Variants in SAR1B observed in about 807,000 individuals in gnomAD.
SAR1B encodes small COPII coat GTPase SAR1B.
In SAR1B, 23 loss-of-function variants were observed where a neutral mutation model predicts 26.8. The ratio of observed to expected loss-of-function variants is 0.86; its 90% confidence interval spans 0.62 to 1.22. SAR1B has a LOEUF of 1.22. Among genes scored for constraint, SAR1B ranks in the 50% most tolerant of loss-of-function variants. The pLI, the probability that SAR1B is intolerant of heterozygous loss-of-function variation, is 0.00. For synonymous variants in SAR1B, 65 were observed against 80.8 expected, an observed-to-expected ratio of 0.80 and a Z score of 1.05; for missense variants, 196 against 232.8, an observed-to-expected ratio of 0.84 and a Z score of 1.03.
Position 134,604,655 on chromosome 5 carries a change from T to C in SAR1B, c.*2295A>G, listed in dbSNP as rs1765100546. 1 of 152,208 alleles carries C rather than the reference T, an allele frequency of 6.6e-6. No individual in the cohort carries two copies. The highest frequency in any genetic ancestry group is 2.4e-5 in the African/African-American group (1 of 41,444). 9.4% of individuals were successfully genotyped at this position (152,208 alleles called of 1,614,324 possible). A position where few individuals can be genotyped will look rare whatever the true frequency, so the allele number is the denominator to read the frequency against. Reference sequence around the variant, plus strand: ...CACAGTTTAGCTGTGGTCCACAAAGTGACTTTGTTTCTTTGATCCTAGTGT... The same window carrying C: ...CACAGTTTAGCTGTGGTCCACAAAGCGACTTTGTTTCTTTGATCCTAGTGT... On this transcript the variant is annotated 3_prime_UTR_variant, in exon 7 of 7. Transcript: ENST00000402673.
intron 4 of SAR1B, among the ~76,000 whole-genome samples, chr5:134,612,012 T>G (rs1765223226): frequency 6.6e-6 from 1 of 152,072 alleles, no homozygotes; most frequent in South Asian, 2.1e-4. Flanking sequence ...ATAAGATAAT[T>G]TTTAAAAGCC....
intron 3 of SAR1B, among the ~76,000 whole-genome samples, chr5:134,616,001 G>A (rs1765307735): frequency 6.6e-6 from 1 of 151,774 alleles, no homozygotes; most frequent in Non-Finnish European, 1.5e-5. Flanking sequence ...TTAGCCAGGC[G>A]TGGTGGCAGA....
chr5:134,628,329 A>AC (rs1765536423), intron 1 of SAR1B, among the ~76,000 whole-genome samples: 2 of 111,496 alleles, frequency 1.8e-5, no homozygotes, highest in Admixed American at 1.7e-4. Context: ...GGGGTCCTGT[A>AC]AAAAAAAAAA....
rs1254993587 is a variant in SAR1B, at chr5:134,605,004, G to T, written c.*1946C>A. The T allele has an allele frequency of 6.6e-6, 1 of 152,216 alleles. No homozygotes were observed. Among genetic ancestry groups the T allele is most frequent in the African/African-American group, 2.4e-5 (1 of 41,462 alleles). The allele number at this position is 152,216 out of a possible 1,614,324, so 9.4% of individuals were successfully genotyped here. A position where few individuals can be genotyped will look rare whatever the true frequency, so the allele number is the denominator to read the frequency against. On this transcript the variant is annotated 3_prime_UTR_variant, in exon 7 of 7. Transcript: ENST00000402673. The stretch of plus-strand genomic sequence containing the variant: ...CTACTTTTCCCATAGTGTTACTGAG[G>T]TTTCCAGGAAGGGAGGGAGCACTTT...
chr5:134,610,905 G>A (rs1431758313), intron 4 of SAR1B, among the ~76,000 whole-genome samples: 12 of 145,012 alleles, frequency 8.3e-5, no homozygotes, highest in African/African-American at 2.8e-4. Context: ...TTTTTAAAGA[G>A]ACAGGGTCTT....
intron 1 of SAR1B, among the ~76,000 whole-genome samples, chr5:134,627,801 A>AAAATAAATAAATAAAT (rs199626448): frequency 3.6e-4 from 49 of 134,522 alleles, no homozygotes; most frequent in East Asian, 2.1e-3. Context: ...TCCATCCCAA[A>AAAATAAATAAATAAAT]AAATAAATAA....
intron 1 of SAR1B, among the ~76,000 whole-genome samples, chr5:134,625,350 T>G (rs1002009096): frequency 6.6e-6 from 1 of 152,048 alleles, no homozygotes; most frequent in African/African-American, 2.4e-5. Context: ...GACTAGAGAT[T>G]AGGAACATCC....
chr5:134,628,742 C>T (rs975141401), intron 1 of SAR1B, among the ~76,000 whole-genome samples: 6 of 152,010 alleles, frequency 3.9e-5, no homozygotes, highest in East Asian at 3.9e-4. Flanking sequence ...GCAACCTCCA[C>T]CTCCTGGGTT....
At chr5:134,612,890 C>G (rs1303145205) in intron 3 of SAR1B, 134 bp from the exon 4 acceptor site, 2 of 765,690 alleles carry the variant, frequency 2.6e-6, no homozygotes, top group Non-Finnish European at 4.2e-6. Flanking sequence ...CTCTTAGAAG[C>G]AAAATTGATT....
In SAR1B at chr5:134,612,676, A is replaced by AAAAT; in HGVS notation, c.244+14_244+15insATTT. On this transcript the variant is annotated intron_variant, in intron 4 of 6. Transcript: ENST00000402673. ...AAAAAAAAAAAAAAAAAAAAAAAAA[A>AAAAT]AAAAAGAATCTTACCTTGAACATGT... 3 of 1,088,990 alleles carry AAAAT rather than the reference A, an allele frequency of 2.8e-6. No individual in the cohort carries two copies. The highest frequency in any genetic ancestry group is 2.5e-6 in the Non-Finnish European group (2 of 789,132). The allele number at this position is 1,088,990 out of a possible 1,614,324, so 67.5% of individuals were successfully genotyped here.
At chr5:134,615,945 G>A (rs1261813681) in intron 3 of SAR1B, among the ~76,000 whole-genome samples, 7 of 150,470 alleles carry the variant, frequency 4.7e-5, no homozygotes, top group Non-Finnish European at 1.0e-4. Flanking sequence ...TCTGAGACCA[G>A]CCTGGCCAAT....
At position 134,606,977 on chromosome 5, in the gene SAR1B, G is replaced by A; in HGVS notation, c.570C>T (p.Phe190=). ...VLKRQGYGEG[F]RWMAQYID is the part of the protein sequence containing the mutation. ...AATCAATGTACTGTGCCATCCAGCG[G>A]AAGCCTTCTCCGTAACCTTGTCTTT... is the stretch of plus-strand genomic sequence containing the variant. The change falls in exon 7 of 7, where the codon TTC becomes TTT. Residue 190 remains phenylalanine (F), a synonymous_variant. Coordinates refer to ENST00000402673, the MANE Select transcript of SAR1B (RefSeq NM_016103.4). The A allele has an allele frequency of 6.2e-7, 1 of 1,613,732 alleles. No homozygotes were observed. The highest frequency in any genetic ancestry group is 8.5e-7 in the Non-Finnish European group (1 of 1,179,632).
At chr5:134,631,690 A>T (rs1378135377) in intron 1 of SAR1B, 1 of 152,256 alleles carries the variant, frequency 6.6e-6, no homozygotes, top group African/African-American at 2.4e-5. Flanking sequence ...TTGCTGACGA[A>T]TTTGGTTCTT....
Position 134,606,927 on chromosome 5 carries a change from C to A in SAR1B, c.*23G>T. ...CTCTGAGTAAGCCTGAACGTTGAGA[C>A]CTGGAACCAATGTGAGTTTGTGTTA... is the stretch of plus-strand genomic sequence containing the variant. On this transcript the variant is annotated 3_prime_UTR_variant, in exon 7 of 7. Transcript: ENST00000402673. The A allele has an allele frequency of 6.7e-7, 1 of 1,485,430 alleles. No individual in the cohort carries two copies. Among genetic ancestry groups the A allele is most frequent in the Non-Finnish European group, 9.4e-7 (1 of 1,062,546 alleles). 92.0% of individuals were successfully genotyped at this position (1,485,430 alleles called of 1,614,324 possible). A position where few individuals can be genotyped will look rare whatever the true frequency, so the allele number is the denominator to read the frequency against.
At chr5:134,618,462 C>T (rs1765349672) in intron 3 of SAR1B, 1 of 152,086 alleles carries the variant, frequency 6.6e-6, no homozygotes, top group African/African-American at 2.4e-5. Context: ...GTATTATCTA[C>T]TTTTTGGTCC....
In SAR1B at chr5:134,627,798, C is replaced by CAAAA. The variant is rs1407065470; in HGVS notation, c.-18-3765_-18-3762dup. Among the ~76,000 whole-genome samples, 3 of 89,480 alleles carry CAAAA rather than the reference C, an allele frequency of 3.4e-5. No individual in the cohort carries two copies. In the East Asian group the frequency reaches 1.2e-3, roughly 35 times the overall value. The allele number at this position is 89,480 out of a possible 152,430, so 58.7% of individuals were successfully genotyped here. Reference sequence around the variant, plus strand: ...TGGGCGACAGAGCGAGACTCCATCCCAAAAAATAAATAAATAAATAAATAA... The same window carrying CAAAA: ...TGGGCGACAGAGCGAGACTCCATCCCAAAAAAAAAATAAATAAATAAATAAATAA... On this transcript the variant is annotated intron_variant, in intron 1 of 6. Coordinates refer to ENST00000402673, the MANE Select transcript of SAR1B (RefSeq NM_016103.4).
chr5:134,614,877 G>A (rs974837179), intron 3 of SAR1B: 14 of 152,238 alleles, frequency 9.2e-5, no homozygotes, highest in Non-Finnish European at 2.1e-4. Context: ...TCCTGTGGTA[G>A]CTGTTGCCCA....
At chr5:134,619,742 G>A (rs1580652978) in intron 3 of SAR1B, among the ~76,000 whole-genome samples, 1 of 152,078 alleles carries the variant, frequency 6.6e-6, no homozygotes, top group Non-Finnish European at 1.5e-5. Flanking sequence ...AGATATTGTT[G>A]AGGTTATTAA....
At chr5:134,610,144 G>A (rs762797256) in intron 4 of SAR1B, among the ~76,000 whole-genome samples, 1 of 151,926 alleles carries the variant, frequency 6.6e-6, no homozygotes, top group Non-Finnish European at 1.5e-5. Context: ...ATGAGTGACA[G>A]AAGGAAATTA....
Sources: allele counts gnomAD v4.1 joint callset (sites outside exome capture counted in the v4.1 genomes callset), GRCh38; gene constraint gnomAD v4.1.1; transcripts MANE v1.5; gene names NCBI Gene and HGNC (gene_info 2026-07-23, HGNC 2026-07-21).